Variants in PTK2B observed in about 807,000 individuals in gnomAD.
The protein encoded by PTK2B is protein-tyrosine kinase 2-beta.
In PTK2B, 71 loss-of-function variants were observed where a neutral mutation model predicts 142.9. The ratio of observed to expected loss-of-function variants is 0.50; its 90% CI spans 0.41 to 0.61. The LOEUF (loss-of-function observed/expected upper bound fraction) is 0.61. Among genes scored for constraint, PTK2B ranks in the 20% least tolerant of loss-of-function variants. The pLI, the probability that PTK2B is intolerant of heterozygous loss-of-function variation, is 0.00. For synonymous variants in PTK2B, 519 were observed against 503.4 expected (o/e 1.03, Z -0.42); for missense variants, 1,105 against 1,320.4 (o/e 0.84, Z 2.53).
In PTK2B at chr8:27,432,279, TC is replaced by T; in HGVS notation, c.906del (p.Phe302LeufsTer37). ...QDAKPTCLAE[F>X]KQIRSIRCLP... ...CCACAGCCCACCTGCCTGGCCGAGT[TC>T]AAGCAGATCAGGTCCATCAGGTGCC... On this transcript the variant is annotated frameshift_variant, in exon 10 of 31. Transcript: ENST00000346049. LOFTEE classifies it high-confidence loss of function. 1 of 1,614,068 alleles carries T rather than the reference TC, an allele frequency of 6.2e-7. No homozygotes were observed. The highest frequency in any genetic ancestry group is 8.5e-7 in the Non-Finnish European group (1 of 1,180,012).
At position 27,444,233 on chromosome 8, in the gene PTK2B, C is replaced by T. The variant is rs1221755691; in HGVS notation, c.2176C>T (p.Pro726Ser). The T allele has an allele frequency of 1.4e-5, 22 of 1,614,006 alleles. No individual in the cohort carries two copies. Among genetic ancestry groups the T allele is most frequent in the Non-Finnish European group, 1.8e-5 (21 of 1,179,900 alleles). ...KPSRPKYRPP[P>S]QTNLLAPKLQ... ...CAGCCGACCTAAGTACAGACCCCCT[C>T]CGCAAACCAACCTCCTGGCTCCAAA... is the stretch of plus-strand genomic sequence containing the variant. The change falls in exon 23 of 31, where the codon CCG (proline) becomes TCG (serine). Residue 726 changes from proline (P) to serine (S), a missense_variant. Transcript: ENST00000346049.
intron 3 of PTK2B, among the ~76,000 whole-genome samples, chr8:27,319,518 C>T (rs1055517926): frequency 4.6e-5 from 7 of 151,674 alleles, no homozygotes; most frequent in African/African-American, 1.7e-4. Flanking sequence ...GTGGCGGGCG[C>T]CTGTAGTCCC....
At chr8:27,400,976 T>C (rs145535860) in intron 2 of PTK2B, among the ~76,000 whole-genome samples, 3,803 of 116,726 alleles carry the variant, frequency 0.033, 161 homozygotes, top group African/African-American at 0.1. Flanking sequence ...TGAAACCCCA[T>C]CTCTACCAAA....
intron 4 of PTK2B, among the ~76,000 whole-genome samples, chr8:27,421,694 A>G (rs751005491): frequency 4.6e-5 from 7 of 152,162 alleles, no homozygotes; most frequent in Non-Finnish European, 1.0e-4. Context: ...TCCTCAGCCT[A>G]TTTCAAGCTA....
chr8:27,433,105 G>A (rs1469477627), intron 10 of PTK2B, among the ~76,000 whole-genome samples: 2 of 152,166 alleles, frequency 1.3e-5, no homozygotes, highest in African/African-American at 4.8e-5. Flanking sequence ...GGGATTATAG[G>A]CATGAGCCAC....
At chr8:27,446,599 C>G (rs1179787700) in intron 24 of PTK2B, among the ~76,000 whole-genome samples, 2 of 152,190 alleles carry the variant, frequency 1.3e-5, no homozygotes, top group Non-Finnish European at 2.9e-5. Context: ...CAACCACCTT[C>G]TTCCATACAA....
At chr8:27,406,510 G>T (rs1178149227) in intron 2 of PTK2B, among the ~76,000 whole-genome samples, 1 of 152,068 alleles carries the variant, frequency 6.6e-6, no homozygotes, top group African/African-American at 2.4e-5. Context: ...GTCATTTTGG[G>T]GTATGTGCAG....
At chr8:27,332,404 T>A (rs969422936) in intron 1 of PTK2B, among the ~76,000 whole-genome samples, 2 of 152,158 alleles carry the variant, frequency 1.3e-5, no homozygotes, top group African/African-American at 2.4e-5. Flanking sequence ...GAATTTGGGA[T>A]CAGAACGTGG....
At chr8:27,321,342 G>A (rs1803212694), upstream of PTK2B, among the ~76,000 whole-genome samples, 1 of 152,160 alleles carries the variant, frequency 6.6e-6, no homozygotes, top group Admixed American at 6.5e-5. Context: ...GGTTTTAGAA[G>A]TTGTGTGCAC....
chr8:27,380,531 A>T (rs1319229789), intron 1 of PTK2B: 1 of 128,786 alleles, frequency 7.8e-6, no homozygotes. Flanking sequence ...GATTGAAAAC[A>T]CCTATTTTTT....
intron 14 of PTK2B, 55 bp downstream of exon 14, chr8:27,435,848 G>A: frequency 1.9e-6 from 3 of 1,565,710 alleles, no homozygotes; most frequent in Non-Finnish European, 2.6e-6. Context: ...GAAATGACAT[G>A]GCAAGGACTC....
At chr8:27,407,985 T>G (rs1808826422) in intron 2 of PTK2B, among the ~76,000 whole-genome samples, 2 of 152,226 alleles carry the variant, frequency 1.3e-5, no homozygotes, top group South Asian at 4.1e-4. Flanking sequence ...TAAAAATAAC[T>G]GGAAATCCAT....
chr8:27,391,936 G>A (rs1807750571), intron 1 of PTK2B, among the ~76,000 whole-genome samples: 1 of 152,186 alleles, frequency 6.6e-6, no homozygotes, highest in Non-Finnish European at 1.5e-5. Flanking sequence ...TTTCACTGGT[G>A]CCACAGGATG....
intron 2 of PTK2B, among the ~76,000 whole-genome samples, chr8:27,410,840 G>T (rs1041279313): frequency 1.3e-5 from 2 of 152,206 alleles, no homozygotes; most frequent in Non-Finnish European, 2.9e-5. Flanking sequence ...GAGAGGCAAA[G>T]GTAGTTTGAA....
At chr8:27,390,087 C>A (rs1035383723) in intron 1 of PTK2B, among the ~76,000 whole-genome samples, 1 of 152,140 alleles carries the variant, frequency 6.6e-6, no homozygotes, top group African/African-American at 2.4e-5. Context: ...TCTGCTAGAT[C>A]CAAAGGGCTG....
At chr8:27,402,871 C>T (rs1170432063) in intron 2 of PTK2B, among the ~76,000 whole-genome samples, 1 of 152,228 alleles carries the variant, frequency 6.6e-6, no homozygotes, top group South Asian at 2.1e-4. Context: ...CCGTTCTTGC[C>T]TTTCTCCAAA....
intron 2 of PTK2B, among the ~76,000 whole-genome samples, chr8:27,408,394 G>C (rs1386867516): frequency 6.6e-6 from 1 of 152,246 alleles, no homozygotes; most frequent in Non-Finnish European, 1.5e-5. Context: ...AGACAGGCCT[G>C]TCTGGGTTTC....
At chr8:27,452,978 C>A in intron 27 of PTK2B, 136 bp from the exon 28 acceptor site, 2 of 1,047,260 alleles carry the variant, frequency 1.9e-6, no homozygotes, top group South Asian at 1.6e-5. Context: ...CCCCTGCCCG[C>A]TTCCTGGATT....
In PTK2B at chr8:27,326,367, C is replaced by T. The variant is rs893655489; in HGVS notation, c.-38+686C>T. ...CTGCTGTCAGGCTGCGCGTGGGCAC[C>T]GCTTTGGGTGGGTGAGCGTGGAGCG... On this transcript the variant is annotated intron_variant, in intron 1 of 30. Coordinates refer to ENST00000346049, the MANE Select transcript of PTK2B (RefSeq NM_173176.3). 7.2e-5 allele frequency among the ~76,000 whole-genome samples: 11 copies of T among 152,086 alleles called. 1 individual carries two copies. Among genetic ancestry groups the T allele is most frequent in the African/African-American group, 2.4e-4 (10 of 41,404 alleles).
Sources: allele counts gnomAD v4.1 joint callset (sites outside exome capture counted in the v4.1 genomes callset), GRCh38; gene constraint gnomAD v4.1.1; transcripts MANE v1.5; gene names NCBI Gene and HGNC (gene_info 2026-07-23, HGNC 2026-07-21).